Variants in ATP8A2 observed in about 807,000 individuals in gnomAD.
ATP8A2 encodes phospholipid-transporting ATPase IB.
ATP8A2 carries 100 observed loss-of-function variants against 165.6 expected under a neutral mutation model. The observed-to-expected ratio is 0.60, with a 90% CI of 0.51 to 0.71. ATP8A2 has a LOEUF of 0.71. ATP8A2 is among the 30% of genes least tolerant of loss of function. ATP8A2 has a pLI of 0.00. For missense variants in ATP8A2, 1,227 were observed against 1,479.5 expected (o/e 0.83, Z 2.80); for synonymous variants, 543 against 548.8 (o/e 0.99, Z 0.15).
intron 2 of ATP8A2, among the ~76,000 whole-genome samples, chr13:25,524,056 A>G (rs1003939188): frequency 2.0e-5 from 3 of 151,728 alleles, no homozygotes; most frequent in African/African-American, 4.8e-5. Context: ...GGTATGTTAT[A>G]TTTCCATATC....
intron 29 of ATP8A2, among the ~76,000 whole-genome samples, chr13:25,838,729 A>G (rs955395269): frequency 6.6e-5 from 10 of 152,188 alleles, no homozygotes; most frequent in African/African-American, 2.2e-4. Context: ...GTAGAGGTTT[A>G]AATAAATTTA....
At chr13:25,395,924 A>G (rs1386945052) in intron 1 of ATP8A2, among the ~76,000 whole-genome samples, 1 of 151,496 alleles carries the variant, frequency 6.6e-6, no homozygotes, top group African/African-American at 2.4e-5. Context: ...GCTCACTGCT[A>G]CCTCCGTCTC....
chr13:25,920,857 A>G (rs306414), intron 33 of ATP8A2, among the ~76,000 whole-genome samples: 150,017 of 152,332 alleles, frequency 0.98, 73,877 homozygotes, highest in East Asian at 0.99. Flanking sequence ...TGGGTGAATC[A>G]CTTGAGCCCA....
At chr13:25,554,684 T>A (rs2038928069) in intron 12 of ATP8A2, among the ~76,000 whole-genome samples, 1 of 151,896 alleles carries the variant, frequency 6.6e-6, no homozygotes, top group Non-Finnish European at 1.5e-5. Flanking sequence ...TCAGCCTCCC[T>A]GAGTAGCTGG....
At chr13:25,637,465 C>T (rs1593702620) in intron 24 of ATP8A2, among the ~76,000 whole-genome samples, 1 of 152,178 alleles carries the variant, frequency 6.6e-6, no homozygotes, top group African/African-American at 2.4e-5. Context: ...GATTATATCC[C>T]ATGCCTGGCT....
intron 25 of ATP8A2, among the ~76,000 whole-genome samples, chr13:25,712,795 G>A (rs1000187120): frequency 5.3e-5 from 8 of 152,134 alleles, no homozygotes; most frequent in Admixed American, 2.0e-4. Context: ...TAAAAGGGTC[G>A]GAAAGTCGGG....
chr13:25,513,253 G>A lies in ATP8A2; in HGVS notation c.222-16746G>A, dbSNP rs148113249. Among the ~76,000 whole-genome samples the A allele has an allele frequency of 1.8e-3, 266 of 151,366 alleles. 3 individuals carry two copies. Among genetic ancestry groups the A allele is most frequent in the African/African-American group, 6.3e-3 (262 of 41,332 alleles). On this transcript the variant is annotated intron_variant, in intron 2 of 36. Transcript: ENST00000381655. ...CTCACTTCTCAGACGGGGCGGCTGG[G>A]CAGAGACGCTCCTCACCTCCCAGAC... is the stretch of plus-strand genomic sequence containing the variant.
At chr13:25,894,486 T>A (rs991229069) in intron 33 of ATP8A2, among the ~76,000 whole-genome samples, 7 of 152,210 alleles carry the variant, frequency 4.6e-5, no homozygotes, top group Non-Finnish European at 1.0e-4. Context: ...CCAGCTTTGT[T>A]CTTTTGGCTT....
At chr13:25,473,817 A>T (rs2035915324) in intron 2 of ATP8A2, among the ~76,000 whole-genome samples, 1 of 152,244 alleles carries the variant, frequency 6.6e-6, no homozygotes, top group South Asian at 2.1e-4. Flanking sequence ...ATTTAGAGGA[A>T]ACTGGTGGTG....
intron 24 of ATP8A2, among the ~76,000 whole-genome samples, chr13:25,648,199 G>A (rs2041724851): frequency 6.6e-6 from 1 of 152,032 alleles, no homozygotes; most frequent in Non-Finnish European, 1.5e-5. Flanking sequence ...GCCTGGTGTT[G>A]AAACTTTCTC....
rs2034051810 is a variant in ATP8A2 at position 25,413,877 on chromosome 13, T to C, written c.76+41589T>C. 2.0e-5 allele frequency among the ~76,000 whole-genome samples: 3 copies of C among 152,174 alleles called. No homozygotes were observed. In the South Asian group the frequency reaches 6.2e-4, roughly 31 times the overall value. ...TCTTTAACAATCCCCTGTTTTTTTATTTCTTTGATGACTGATGAGGTTTAT... is the reference window on the plus strand; with the variant it reads ...TCTTTAACAATCCCCTGTTTTTTTACTTCTTTGATGACTGATGAGGTTTAT... On this transcript the variant is annotated intron_variant, in intron 1 of 36. Coordinates refer to ENST00000381655, the MANE Select transcript of ATP8A2 (RefSeq NM_016529.6).
At chr13:25,821,208 A>G (rs1268240899) in intron 27 of ATP8A2, among the ~76,000 whole-genome samples, 1 of 152,246 alleles carries the variant, frequency 6.6e-6, no homozygotes, top group Non-Finnish European at 1.5e-5. Flanking sequence ...GAAATATCCC[A>G]ACATTCAGCT....
chr13:26,010,989 C>T (rs1227802673), intron 35 of ATP8A2, among the ~76,000 whole-genome samples: 4 of 152,138 alleles, frequency 2.6e-5, no homozygotes, highest in African/African-American at 9.7e-5. Context: ...CTTTCGATGG[C>T]CCTGAGGGAG....
chr13:25,992,986 A>G (rs1593684910), intron 35 of ATP8A2, among the ~76,000 whole-genome samples: 1 of 148,110 alleles, frequency 6.8e-6, no homozygotes, highest in Non-Finnish European at 1.5e-5. Flanking sequence ...ATGATTTCCA[A>G]TTTCATCCAT....
At chr13:25,932,310 G>A (rs1400399532) in intron 33 of ATP8A2, among the ~76,000 whole-genome samples, 3 of 152,150 alleles carry the variant, frequency 2.0e-5, no homozygotes, top group Non-Finnish European at 4.4e-5. Flanking sequence ...GAGAAGAAAC[G>A]CCAGGGAGCA....
chr13:25,672,838 A>C (rs1242093573), intron 24 of ATP8A2, among the ~76,000 whole-genome samples: 3 of 152,174 alleles, frequency 2.0e-5, no homozygotes, highest in South Asian at 2.1e-4. Flanking sequence ...GACTGTGAAC[A>C]TGCTTATTTG....
At chr13:25,623,356 A>G (rs989491619) in intron 24 of ATP8A2, among the ~76,000 whole-genome samples, 1 of 152,148 alleles carries the variant, frequency 6.6e-6, no homozygotes, top group Non-Finnish European at 1.5e-5. Flanking sequence ...TGGTCATGCC[A>G]CTGCATTCCA....
chr13:25,929,307 T>G (rs1954698115), intron 33 of ATP8A2, among the ~76,000 whole-genome samples: 1 of 152,076 alleles, frequency 6.6e-6, no homozygotes, highest in Non-Finnish European at 1.5e-5. Context: ...GGATGCCCGT[T>G]GCCATAGTGA....
rs868695858 is a variant in ATP8A2, at chr13:25,965,962, G to A, written c.3273-2613G>A. On this transcript the variant is annotated intron_variant, in intron 34 of 36. Transcript: ENST00000381655. ...ACATTTACACTTCCATCCAGGTTTA[G>A]AATTATATGTTTCCTTTTGACTTGC... 8.5e-5 allele frequency among the ~76,000 whole-genome samples: 12 copies of A among 141,382 alleles called. No individual in the cohort carries two copies. In the South Asian group the frequency reaches 1.6e-3, roughly 19 times the overall value. 92.8% of individuals were successfully genotyped at this position (141,382 alleles called of 152,430 possible).
Sources: allele counts gnomAD v4.1 joint callset (sites outside exome capture counted in the v4.1 genomes callset), GRCh38; gene constraint gnomAD v4.1.1; transcripts MANE v1.5; gene names NCBI Gene and HGNC (gene_info 2026-07-23, HGNC 2026-07-21).